Variants in SNAP91 observed in about 807,000 individuals in gnomAD.
SNAP91 encodes synaptosome associated protein 91, also known as clathrin coat assembly protein AP180.
A neutral mutation model predicts 100.3 loss-of-function variants in SNAP91; 27 were observed. The observed-to-expected ratio is 0.27, with a 90% CI of 0.20 to 0.37. The LOEUF is 0.37. Ranked by LOEUF, SNAP91 falls within the 10% of genes least tolerant of loss-of-function variation. The pLI is 1.00. For synonymous variants in SNAP91, 404 were observed against 398.6 expected (o/e 1.01, Z -0.16); for missense variants, 986 against 1,123.7 (o/e 0.88, Z 1.75).
At chr6:83,669,409 C>G (rs1440652654) in intron 2 of SNAP91, among the ~76,000 whole-genome samples, 1 of 151,738 alleles carries the variant, frequency 6.6e-6, no homozygotes, top group African/African-American at 2.4e-5. Flanking sequence ...GGTCATGTAT[C>G]AGTTTCTTAG....
chr6:83,580,368 TGAGAGAGAGA>T, intron 24 of SNAP91, 72 bp downstream of exon 24: 4 of 1,252,640 alleles, frequency 3.2e-6, no homozygotes, highest in South Asian at 1.5e-5. Flanking sequence ...ACATATGAGA[TGAGAGAGAGA>T]GAGAGAGAGA....
Position 83,594,475 on chromosome 6 carries a change from A to T in SNAP91, c.1331T>A (p.Phe444Tyr). Residue 444 changes from phenylalanine to tyrosine, a missense_variant, in exon 17 of 30, where the codon TTT becomes TAT. By Grantham distance (22) the Phe-to-Tyr change is conservative. Coordinates refer to ENST00000369694, the MANE Select transcript of SNAP91 (RefSeq NM_001242792.2). ...TAEVDLFGDA[F>Y]AASPGEAPAA... ...AGGGGCCTCCCCAGGAGAAGCTGCA[A>T]AGGCATCTTGGGTGCGGTTTTTAAA... The T allele has an allele frequency of 6.6e-7, 1 of 1,514,748 alleles. No individual in the cohort carries two copies. Among genetic ancestry groups the T allele is most frequent in the Admixed American group, 2.5e-5 (1 of 40,242 alleles). 93.8% of individuals were successfully genotyped at this position (1,514,748 alleles called of 1,614,324 possible).
At chr6:83,590,960 G>T (rs1562241994) in intron 22 of SNAP91, among the ~76,000 whole-genome samples, 1 of 151,736 alleles carries the variant, frequency 6.6e-6, no homozygotes. Context: ...TTAGATTTGG[G>T]GGGGCAAGTA....
chr6:83,706,514 A>C (rs922497764), intron 2 of SNAP91, among the ~76,000 whole-genome samples: 16 of 152,240 alleles, frequency 1.1e-4, no homozygotes, highest in Admixed American at 9.8e-4. Flanking sequence ...CCCTCCGATG[A>C]GCTTCTAGAA....
Position 83,560,912 on chromosome 6 carries a change from A to C in SNAP91, c.2478T>G (p.Pro826=). The C allele has an allele frequency of 6.2e-7, 1 of 1,613,772 alleles. No homozygotes were observed. Among genetic ancestry groups the C allele is most frequent in the Non-Finnish European group, 8.5e-7 (1 of 1,179,796 alleles). The stretch of plus-strand genomic sequence containing the variant: ...GTCCAACCGATGGGGCCCCGGCAAC[A>C]GGAGGAACTGAACTGGTTGGAGGTA... ...GAVPPTSSVP[P]VAGAPSVGQP... The change falls in exon 27 of 30, where the codon CCT becomes CCG. Residue 826 remains proline (P), a synonymous_variant. Transcript: ENST00000369694.
At chr6:83,563,731 A>C (rs1330354201) in intron 26 of SNAP91, among the ~76,000 whole-genome samples, 1 of 152,204 alleles carries the variant, frequency 6.6e-6, no homozygotes, top group Non-Finnish European at 1.5e-5. Flanking sequence ...AATAATCGAA[A>C]AATTTAATTA....
chr6:83,683,366 G>T (rs1293117742), intron 2 of SNAP91, among the ~76,000 whole-genome samples: 1 of 152,194 alleles, frequency 6.6e-6, no homozygotes, highest in Non-Finnish European at 1.5e-5. Flanking sequence ...AATGGAAGGT[G>T]TTTGGGCCTT....
intron 25 of SNAP91, chr6:83,575,622 C>T: frequency 9.6e-6 from 2 of 209,418 alleles, no homozygotes; most frequent in Non-Finnish European, 1.9e-5. Flanking sequence ...AAATATACAT[C>T]TAAAAAAGAA....
At chr6:83,664,364 T>C (rs905084542) in intron 3 of SNAP91, among the ~76,000 whole-genome samples, 5 of 152,132 alleles carry the variant, frequency 3.3e-5, no homozygotes, top group South Asian at 2.1e-4. Context: ...CTAGAAAAGA[T>C]TGACCATTCT....
intron 7 of SNAP91, among the ~76,000 whole-genome samples, chr6:83,649,353 T>A (rs1283101021): frequency 1.3e-5 from 2 of 152,202 alleles, no homozygotes; most frequent in Admixed American, 6.5e-5. Context: ...CAGTTTCTTG[T>A]TGTATGGAAC....
chr6:83,665,691 TTGATAATAGC>T, intron 2 of SNAP91, 110 bp from the exon 3 acceptor site: 1 of 893,592 alleles, frequency 1.1e-6, no homozygotes. Flanking sequence ...TAAAAGTACT[TTGATAATAGC>T]TGATAACAAA....
At chr6:83,555,742 C>A (rs60652755) in intron 29 of SNAP91, among the ~76,000 whole-genome samples, 6,641 of 151,878 alleles carry the variant, frequency 0.044, 437 homozygotes, top group African/African-American at 0.15. Context: ...GAAGGATAAA[C>A]AAAATAAAAA....
intron 8 of SNAP91, among the ~76,000 whole-genome samples, chr6:83,638,535 T>A (rs942352210): frequency 6.6e-6 from 1 of 152,198 alleles, no homozygotes; most frequent in African/African-American, 2.4e-5. Context: ...ATGATCCATT[T>A]AAAAATATTA....
chr6:83,656,537 T>C (rs1176532554), intron 7 of SNAP91, among the ~76,000 whole-genome samples: 1 of 152,076 alleles, frequency 6.6e-6, no homozygotes, highest in Non-Finnish European at 1.5e-5. Flanking sequence ...TTAGCAGCAA[T>C]CTGTCTACAC....
intron 7 of SNAP91, among the ~76,000 whole-genome samples, chr6:83,644,368 A>G (rs2128582450): frequency 6.6e-6 from 1 of 152,276 alleles, no homozygotes; most frequent in Middle Eastern, 3.4e-3. Flanking sequence ...AACATGTTCT[A>G]TTTCACTGAC....
At chr6:83,705,791 T>C (rs1226789750) in intron 2 of SNAP91, among the ~76,000 whole-genome samples, 1 of 150,078 alleles carries the variant, frequency 6.7e-6, no homozygotes, top group East Asian at 2.0e-4. Flanking sequence ...GGTGACAGAG[T>C]GAGACTCCAT....
chr6:83,663,661 A>T (rs1352099668), intron 3 of SNAP91, among the ~76,000 whole-genome samples: 1 of 152,136 alleles, frequency 6.6e-6, no homozygotes, highest in Non-Finnish European at 1.5e-5. Context: ...TTAAGGAAAG[A>T]AGCCATCTCC....
chr6:83,620,164 G>T (rs1398293297), intron 9 of SNAP91, among the ~76,000 whole-genome samples: 1 of 152,132 alleles, frequency 6.6e-6, no homozygotes, highest in Non-Finnish European at 1.5e-5. Context: ...AATTCATAAA[G>T]ATATCTATGA....
intron 2 of SNAP91, among the ~76,000 whole-genome samples, chr6:83,701,516 G>A (rs1013256175): frequency 3.3e-5 from 5 of 151,212 alleles, no homozygotes; most frequent in African/African-American, 7.3e-5. Flanking sequence ...GCGCGATCTC[G>A]GCTCACTGCA....
Sources: gnomAD v4.1 joint callset for allele counts (sites outside exome capture counted in the v4.1 genomes callset) on GRCh38, gnomAD v4.1.1 for gene constraint, MANE v1.5 for transcripts, NCBI Gene and HGNC (gene_info 2026-07-23, HGNC 2026-07-21) for gene names.